Variants in TENM2 observed in about 807,000 individuals in gnomAD.
TENM2 encodes teneurin transmembrane protein 2.
In TENM2, 52 loss-of-function variants were observed where a neutral mutation model predicts 245.2. That is an observed-to-expected ratio of 0.21 (90% CI 0.17 to 0.27). TENM2 has a LOEUF of 0.27. TENM2 is among the 10% of genes least tolerant of loss of function. The pLI, the probability that TENM2 is intolerant of heterozygous loss-of-function variation, is 1.00. For synonymous variants in TENM2, 1,363 were observed against 1,438.9 expected, an observed-to-expected ratio of 0.95 and a Z score of 1.19; for missense variants, 3,046 against 3,666.8, an observed-to-expected ratio of 0.83 and a Z score of 4.37.
At chr5:168,188,844 A>T (rs553625305) in intron 13 of TENM2, among the ~76,000 whole-genome samples, 73 of 152,290 alleles carry the variant, frequency 4.8e-4, no homozygotes, top group East Asian at 1.9e-4. Context: ...CTGATGCAGA[A>T]TGCTTCTTTG....
chr5:167,076,386 TA>T, the TENM2 span, among the ~76,000 whole-genome samples: 1 of 152,202 alleles, frequency 6.6e-6, no homozygotes, highest in African/African-American at 2.4e-5. Context: ...AAAATCCTAA[TA>T]TTTTTAAAGA....
the TENM2 span, among the ~76,000 whole-genome samples, chr5:166,990,356 A>G: frequency 3.3e-5 from 5 of 152,238 alleles, no homozygotes; most frequent in African/African-American, 1.2e-4. Context: ...AGAATTAATT[A>G]GAAACAAAAT....
At position 167,880,118 on chromosome 5, in the gene TENM2, C is replaced by T. The variant is rs144135090; in HGVS notation, c.712+3923C>T. On this transcript the variant is annotated intron_variant, in intron 3 of 28. Transcript: ENST00000518659. Reference sequence around the variant, plus strand: ...CGTGATCTTGGCTCACTGCAACCTCCGCCCCCCAGGTTCAAGTGATTCTCA... The same window carrying T: ...CGTGATCTTGGCTCACTGCAACCTCTGCCCCCCAGGTTCAAGTGATTCTCA... Among the ~76,000 whole-genome samples the T allele has an allele frequency of 8.4e-3, 1,272 of 152,162 alleles. 18 individuals carry two copies. The highest frequency in any genetic ancestry group is 0.029 in the African/African-American group (1,191 of 41,518).
intron 2 of TENM2, among the ~76,000 whole-genome samples, chr5:167,424,152 T>C (rs1025776394): frequency 2.8e-5 from 3 of 106,604 alleles, no homozygotes; most frequent in Non-Finnish European, 6.7e-5. Context: ...CCCTTGAATG[T>C]GTTGACCTAA....
At chr5:167,491,908 A>G (rs889500506) in intron 2 of TENM2, among the ~76,000 whole-genome samples, 3 of 152,178 alleles carry the variant, frequency 2.0e-5, no homozygotes, top group African/African-American at 7.2e-5. Context: ...TAGCCATGGC[A>G]ATATTATCTC....
chr5:167,295,475 C>G (rs1264716011), intron 1 of TENM2, among the ~76,000 whole-genome samples: 1 of 152,130 alleles, frequency 6.6e-6, no homozygotes, highest in Non-Finnish European at 1.5e-5. Context: ...GCCTTTCTGA[C>G]CAGAACCTTT....
chr5:167,452,946 T>TA (rs1765679375), intron 2 of TENM2, among the ~76,000 whole-genome samples: 1 of 10,848 alleles, frequency 9.2e-5, no homozygotes, highest in Non-Finnish European at 2.5e-4. Flanking sequence ...TATATATATA[T>TA]ATATATATAT....
At chr5:168,165,858 G>C (rs1050888131) in intron 13 of TENM2, 3 of 150,790 alleles carry the variant, frequency 2.0e-5, no homozygotes, top group Non-Finnish European at 4.4e-5. Context: ...TTAATTCAGA[G>C]TTGCTTATGT....
chr5:167,881,426 C>T (rs990249178), intron 3 of TENM2, among the ~76,000 whole-genome samples: 11 of 152,158 alleles, frequency 7.2e-5, no homozygotes, highest in Non-Finnish European at 1.0e-4. Context: ...CAGGGACCTC[C>T]ACTGCAGTTT....
intron 1 of TENM2, among the ~76,000 whole-genome samples, chr5:167,354,700 C>T (rs1759193586): frequency 6.6e-6 from 1 of 152,172 alleles, no homozygotes; most frequent in East Asian, 1.9e-4. Flanking sequence ...GTTATGTGGC[C>T]TTAGGAATAT....
intron 8 of TENM2, among the ~76,000 whole-genome samples, chr5:168,093,489 GA>G (rs1793114986): frequency 6.6e-6 from 1 of 152,214 alleles, no homozygotes; most frequent in South Asian, 2.1e-4. Context: ...TCTCCATCAA[GA>G]GCAGCCAGGA....
the TENM2 span, among the ~76,000 whole-genome samples, chr5:167,273,429 C>T: frequency 6.6e-6 from 1 of 152,146 alleles, no homozygotes; most frequent in African/African-American, 2.4e-5. Context: ...TAAAAACAGT[C>T]TCTAAACTTG....
chr5:167,629,956 G>A (rs1337704307), intron 2 of TENM2, among the ~76,000 whole-genome samples: 1 of 151,998 alleles, frequency 6.6e-6, no homozygotes, highest in East Asian at 1.9e-4. Context: ...ACAATGCTGT[G>A]GGAAATCCAA....
chr5:167,482,183 A>G (rs1383265783), intron 2 of TENM2, among the ~76,000 whole-genome samples: 1 of 152,226 alleles, frequency 6.6e-6, no homozygotes, highest in Non-Finnish European at 1.5e-5. Flanking sequence ...CCTGGATATG[A>G]TGAATAAACC....
At chr5:167,900,593 G>A (rs935593083) in intron 3 of TENM2, among the ~76,000 whole-genome samples, 7 of 152,142 alleles carry the variant, frequency 4.6e-5, no homozygotes, top group South Asian at 2.1e-4. Context: ...AGAATTCATC[G>A]AAAATGAGCC....
intron 2 of TENM2, among the ~76,000 whole-genome samples, chr5:167,574,746 A>G (rs1262690018): frequency 6.6e-6 from 1 of 152,208 alleles, no homozygotes; most frequent in Non-Finnish European, 1.5e-5. Context: ...TAAGCGGCTC[A>G]ATAATGGAGG....
intron 3 of TENM2, among the ~76,000 whole-genome samples, chr5:167,929,429 C>T (rs1778113528): frequency 6.6e-6 from 1 of 152,188 alleles, no homozygotes; most frequent in African/African-American, 2.4e-5. Context: ...TATTATGTTA[C>T]CATCAGAAGA....
chr5:167,493,140 T>G (rs547726627), intron 2 of TENM2, among the ~76,000 whole-genome samples: 1 of 152,176 alleles, frequency 6.6e-6, no homozygotes, highest in East Asian at 1.9e-4. Context: ...CAAGAAACCT[T>G]TGGTGGCCCA....
exon 29 of TENM2, chr5:168,262,723 C>T (rs751090154): frequency 2.0e-5 from 32 of 1,610,720 alleles, no homozygotes; most frequent in Admixed American, 3.4e-5. Context: ...AGGGATATTA[C>T]GTGCTTCCCG....
Sources: allele counts gnomAD v4.1 joint callset (sites outside exome capture counted in the v4.1 genomes callset), GRCh38; gene constraint gnomAD v4.1.1; transcripts MANE v1.5; gene names NCBI Gene and HGNC (gene_info 2026-07-23, HGNC 2026-07-21).